Variants in ARID2 observed in about 807,000 individuals in gnomAD.
ARID2 encodes AT-rich interactive domain-containing protein 2.
ARID2 carries 32 observed loss-of-function variants against 184.6 expected under a neutral mutation model. The ratio of observed to expected loss-of-function variants is 0.17; its 90% confidence interval spans 0.13 to 0.23. The LOEUF is 0.23. Among genes scored for constraint, ARID2 ranks in the 10% least tolerant of loss-of-function variants. The pLI is 1.00. For missense variants in ARID2, 1,696 were observed against 2,197.6 expected (o/e 0.77, Z 4.56); for synonymous variants, 836 against 772.6 (o/e 1.08, Z -1.36).
At chr12:45,783,774 G>A (rs1942141929) in intron 3 of ARID2, among the ~76,000 whole-genome samples, 1 of 152,176 alleles carries the variant, frequency 6.6e-6, no homozygotes, top group Admixed American at 6.5e-5. Context: ...GTACCAGTCT[G>A]TTGAAATTGT....
intron 3 of ARID2, among the ~76,000 whole-genome samples, chr12:45,803,531 A>C (rs1942546324): frequency 6.6e-6 from 1 of 152,190 alleles, no homozygotes; most frequent in South Asian, 2.1e-4. Context: ...GCATATTGCA[A>C]AGCATCACGT....
At chr12:45,853,822 G>A (rs150871647) in intron 15 of ARID2, among the ~76,000 whole-genome samples, 1 of 152,326 alleles carries the variant, frequency 6.6e-6, no homozygotes, top group Non-Finnish European at 1.5e-5. Flanking sequence ...TGGCATTAGT[G>A]CCAAATCTAG....
Position 45,850,017 on chromosome 12 carries a change from G to GT in ARID2, c.1913-15dup, listed in dbSNP as rs766502510. 4 of 1,563,196 alleles carry GT rather than the reference G, an allele frequency of 2.6e-6. No homozygotes were observed. The highest frequency in any genetic ancestry group is 3.5e-6 in the Non-Finnish European group (4 of 1,157,354). ...CAGTCATTTCATTTGGAATTTTGACGTTTTCTTCATATTTTCAGGAATCCC... is the reference window on the plus strand; with the variant it reads ...CAGTCATTTCATTTGGAATTTTGACGTTTTTCTTCATATTTTCAGGAATCCC... On this transcript the variant is annotated intron_variant, in intron 14 of 20. Coordinates refer to ENST00000334344, the MANE Select transcript of ARID2 (RefSeq NM_152641.4).
chr12:45,751,572 A>T (rs1389274674), intron 3 of ARID2, among the ~76,000 whole-genome samples: 1 of 152,226 alleles, frequency 6.6e-6, no homozygotes, highest in Non-Finnish European at 1.5e-5. Context: ...AAATACAGTT[A>T]GTTCTTGCTT....
At chr12:45,849,089 G>T (rs147329066) in intron 13 of ARID2, 119 bp downstream of exon 13, 1 of 1,153,934 alleles carries the variant, frequency 8.7e-7, no homozygotes, top group African/African-American at 1.6e-5. Flanking sequence ...TAGAAGTTTC[G>T]TATGGATAGG....
chr12:45,844,248 G>A (rs142543678), intron 11 of ARID2, among the ~76,000 whole-genome samples: 2 of 152,100 alleles, frequency 1.3e-5, no homozygotes, highest in African/African-American at 4.8e-5. Context: ...CAAACTCCTG[G>A]GATCAAGCAA....
intron 3 of ARID2, among the ~76,000 whole-genome samples, chr12:45,805,837 C>G (rs1286455741): frequency 6.6e-6 from 1 of 152,118 alleles, no homozygotes; most frequent in Non-Finnish European, 1.5e-5. Flanking sequence ...AATCCCCATC[C>G]TGTATATTAG....
chr12:45,818,890 A>C (rs1219722325), intron 5 of ARID2, among the ~76,000 whole-genome samples: 1 of 152,156 alleles, frequency 6.6e-6, no homozygotes, highest in Non-Finnish European at 1.5e-5. Context: ...TAACTTGCCC[A>C]AAACTATTCT....
At chr12:45,861,977 A>G (rs1190355539) in intron 16 of ARID2, among the ~76,000 whole-genome samples, 2 of 152,196 alleles carry the variant, frequency 1.3e-5, no homozygotes, top group East Asian at 3.8e-4. Flanking sequence ...TTTACAAGCT[A>G]TCTTTGCTAT....
intron 15 of ARID2, among the ~76,000 whole-genome samples, chr12:45,857,835 C>T (rs984662381): frequency 3.9e-5 from 6 of 152,130 alleles, no homozygotes; most frequent in African/African-American, 1.4e-4. Context: ...TCTTGGCTCA[C>T]TGCAACCTCT....
chr12:45,776,877 G>A (rs1376809561), intron 3 of ARID2, among the ~76,000 whole-genome samples: 2 of 149,738 alleles, frequency 1.3e-5, no homozygotes, highest in African/African-American at 4.9e-5. Context: ...CTGCCTCCCA[G>A]GTTCAAGCAA....
chr12:45,777,527 C>G lies in ARID2; in HGVS notation c.285-33891C>G, dbSNP rs116429618. On this transcript the variant is annotated intron_variant, in intron 3 of 20. Transcript: ENST00000334344. ...TCTTCTTAATAATGCACAAGCAGTA[C>G]ATTAATATTGAGATACTTCAACTGG... Among the ~76,000 whole-genome samples the G allele has an allele frequency of 4.1e-3, 621 of 152,056 alleles. 5 individuals are homozygous for G. The highest frequency in any genetic ancestry group is 0.013 in the African/African-American group (541 of 41,522).
chr12:45,782,378 T>C (rs572827550), intron 3 of ARID2, among the ~76,000 whole-genome samples: 25 of 152,238 alleles, frequency 1.6e-4, no homozygotes, highest in African/African-American at 6.0e-4. Flanking sequence ...ATGCCTGTAA[T>C]CCCAGCACAC....
chr12:45,806,696 CT>C (rs1942608913), intron 3 of ARID2, among the ~76,000 whole-genome samples: 1 of 151,972 alleles, frequency 6.6e-6, no homozygotes, highest in South Asian at 2.1e-4. Flanking sequence ...GGAAGAGAAA[CT>C]TTATTATTTT....
At chr12:45,899,683 ATATATATATGGT>A (rs1944426282) in intron 20 of ARID2, among the ~76,000 whole-genome samples, 2 of 128,518 alleles carry the variant, frequency 1.6e-5, no homozygotes, top group Admixed American at 7.9e-5. Flanking sequence ...ATATATGGTT[ATATATATATGGT>A]TATATATATA....
intron 20 of ARID2, among the ~76,000 whole-genome samples, chr12:45,899,434 C>G (rs1944417545): frequency 1.3e-5 from 2 of 149,102 alleles, no homozygotes; most frequent in Non-Finnish European, 3.0e-5. Flanking sequence ...GAAACCCCAT[C>G]TCTAGTAAAA....
chr12:45,834,182 A>G (rs978783788), intron 6 of ARID2, among the ~76,000 whole-genome samples: 2 of 152,100 alleles, frequency 1.3e-5, no homozygotes, highest in Admixed American at 6.5e-5. Flanking sequence ...TTTTGGTAGG[A>G]TGACTACTCC....
chr12:45,894,311 A>G (rs1221168277), intron 20 of ARID2, among the ~76,000 whole-genome samples: 1 of 152,192 alleles, frequency 6.6e-6, no homozygotes, highest in Non-Finnish European at 1.5e-5. Context: ...TTCCTCCTAC[A>G]TCTTCAATTG....
At chr12:45,849,807 T>C in intron 14 of ARID2, 31 bp downstream of exon 14, 1 of 1,576,028 alleles carries the variant, frequency 6.3e-7, no homozygotes, top group Non-Finnish European at 8.7e-7. Flanking sequence ...TTTAAAGTAT[T>C]ACTGATTTAA....
Sources: allele counts gnomAD v4.1 joint callset (sites outside exome capture counted in the v4.1 genomes callset), GRCh38; gene constraint gnomAD v4.1.1; transcripts MANE v1.5; gene names NCBI Gene and HGNC (gene_info 2026-07-23, HGNC 2026-07-21).